PLPPR5: variants seen among roughly 807,000 people sequenced by gnomAD.
PLPPR5 encodes phospholipid phosphatase-related protein type 5.
In PLPPR5, 16 loss-of-function variants were observed where a neutral mutation model predicts 33.9. The ratio of observed to expected loss-of-function variants is 0.47; its 90% CI spans 0.32 to 0.72. PLPPR5 has a LOEUF of 0.72. PLPPR5 is among the 30% of genes least tolerant of loss of function. The probability of loss-of-function intolerance (pLI) is 0.03; values close to 1 mark genes in which losing one functional copy is unlikely to be tolerated. For synonymous variants in PLPPR5, 163 were observed against 150.3 expected (o/e 1.08, Z -0.62); for missense variants, 301 against 406.7 (o/e 0.74, Z 2.23).
At chr1:98,904,246 C>G (rs572984959) in intron 5 of PLPPR5, among the ~76,000 whole-genome samples, 152 of 147,298 alleles carry the variant, frequency 1.0e-3, no homozygotes, top group Non-Finnish European at 1.7e-3. Flanking sequence ...TAAACTATTC[C>G]TATCATTACT....
intron 1 of PLPPR5, among the ~76,000 whole-genome samples, chr1:98,980,527 C>T (rs1473500232): frequency 6.6e-6 from 1 of 152,196 alleles, no homozygotes; most frequent in East Asian, 1.9e-4. Flanking sequence ...AAACCAAGCA[C>T]ATTTAATCCT....
intron 1 of PLPPR5, among the ~76,000 whole-genome samples, chr1:99,000,317 T>C (rs1652785732): frequency 6.6e-6 from 1 of 152,206 alleles, no homozygotes; most frequent in South Asian, 2.1e-4. Context: ...TTATGTACTT[T>C]GATAACATTA....
chr1:99,004,720 G>C lies in PLPPR5; in HGVS notation c.-49C>G. The stretch of plus-strand genomic sequence containing the variant: ...GCCGAGCCGAGCGGGCGGTCGACGC[G>C]GTGGGCCCCCTCCCCGGTCCGCCGA... On this transcript the variant is annotated 5_prime_UTR_variant, in exon 1 of 6. Transcript: ENST00000263177. 1 of 1,292,034 alleles carries C rather than the reference G, an allele frequency of 7.7e-7. No homozygotes were observed. The highest frequency in any genetic ancestry group is 1.0e-6 in the Non-Finnish European group (1 of 991,316). 80.0% of individuals were successfully genotyped at this position (1,292,034 alleles called of 1,614,324 possible).
intron 3 of PLPPR5, among the ~76,000 whole-genome samples, chr1:98,941,127 AAGGGATAAC>A: frequency 6.6e-6 from 1 of 151,972 alleles, no homozygotes; most frequent in East Asian, 1.9e-4. Context: ...TCACTGTTGG[AAGGGATAAC>A]AGAGGGAAGA....
intron 1 of PLPPR5, among the ~76,000 whole-genome samples, chr1:98,979,781 T>C (rs556082070): frequency 1.3e-5 from 2 of 152,168 alleles, no homozygotes; most frequent in African/African-American, 4.8e-5. Context: ...TTTCCCTCTC[T>C]TGACTTTGAA....
intron 5 of PLPPR5, among the ~76,000 whole-genome samples, chr1:98,906,032 G>A (rs1648882846): frequency 6.6e-6 from 1 of 151,882 alleles, no homozygotes; most frequent in Non-Finnish European, 1.5e-5. Context: ...CCTTGGGTAG[G>A]TAAACAACTC....
intron 4 of PLPPR5, among the ~76,000 whole-genome samples, chr1:98,920,210 G>A (rs956458690): frequency 6.6e-6 from 1 of 152,044 alleles, no homozygotes; most frequent in Non-Finnish European, 1.5e-5. Context: ...GTAAGGTAAG[G>A]TGTTCACTGG....
At chr1:98,934,137 A>C (rs949010802) in intron 3 of PLPPR5, among the ~76,000 whole-genome samples, 10 of 152,198 alleles carry the variant, frequency 6.6e-5, no homozygotes, top group African/African-American at 2.4e-4. Context: ...ATAAATGTCC[A>C]TGGGAATGTG....
intron 1 of PLPPR5, among the ~76,000 whole-genome samples, chr1:98,995,643 T>C (rs758452394): frequency 6.6e-6 from 1 of 151,946 alleles, no homozygotes; most frequent in African/African-American, 2.4e-5. Context: ...GCTTGGAGCA[T>C]GTCAACTTGG....
chr1:99,000,378 A>G (rs1285095547), intron 1 of PLPPR5, among the ~76,000 whole-genome samples: 2 of 152,154 alleles, frequency 1.3e-5, no homozygotes, highest in East Asian at 3.8e-4. Flanking sequence ...CCACCCATCA[A>G]ACTTTATCTC....
At chr1:98,928,116 G>A (rs1224932859) in intron 3 of PLPPR5, among the ~76,000 whole-genome samples, 1 of 151,998 alleles carries the variant, frequency 6.6e-6, no homozygotes, top group African/African-American at 2.4e-5. Flanking sequence ...AACCAATGTG[G>A]TAGCCAGTAG....
chr1:98,993,308 A>G (rs1209607703), intron 1 of PLPPR5, among the ~76,000 whole-genome samples: 1 of 152,072 alleles, frequency 6.6e-6, no homozygotes, highest in East Asian at 1.9e-4. Flanking sequence ...TTTTCCAAAA[A>G]TGGGATGACA....
rs553457431 is a variant in PLPPR5 at position 98,898,369 on chromosome 1, T to C, written c.934-5265A>G. Among the ~76,000 whole-genome samples, 25 of 152,290 alleles carry C rather than the reference T, an allele frequency of 1.6e-4. 1 individual carries two copies. In the South Asian group the frequency reaches 4.8e-3, roughly 29 times the overall value. ...TAGCCTACATTGCATCAGGAAAAGA[T>C]AGGTGGATGTCATAATCTCGAATAT... On this transcript the variant is annotated intron_variant, in intron 5 of 5. Coordinates refer to ENST00000263177, the MANE Select transcript of PLPPR5 (RefSeq NM_001037317.2).
intron 2 of PLPPR5, among the ~76,000 whole-genome samples, chr1:98,955,918 TA>T (rs1384827657): frequency 6.6e-6 from 1 of 152,130 alleles, no homozygotes; most frequent in East Asian, 1.9e-4. Flanking sequence ...GGGTCTAGGC[TA>T]AGTCCTGAAT....
At chr1:98,982,191 A>T (rs1207005906) in intron 1 of PLPPR5, among the ~76,000 whole-genome samples, 1 of 152,074 alleles carries the variant, frequency 6.6e-6, no homozygotes, top group African/African-American at 2.4e-5. Context: ...CATCCAAAAA[A>T]GTGTTCTAAT....
At chr1:98,909,874 A>G (rs1570688687) in intron 5 of PLPPR5, among the ~76,000 whole-genome samples, 4 of 152,306 alleles carry the variant, frequency 2.6e-5, no homozygotes, top group African/African-American at 9.6e-5. Context: ...CAGTTTCCAC[A>G]GATGATTAAT....
chr1:98,914,154 C>T (rs1649254063), intron 5 of PLPPR5, among the ~76,000 whole-genome samples: 1 of 152,146 alleles, frequency 6.6e-6, no homozygotes, highest in Non-Finnish European at 1.5e-5. Context: ...ATGCATATAT[C>T]CTCAAGTAAA....
At chr1:98,938,461 T>C (rs1427518156) in intron 3 of PLPPR5, among the ~76,000 whole-genome samples, 1 of 148,402 alleles carries the variant, frequency 6.7e-6, no homozygotes, top group Non-Finnish European at 1.5e-5. Flanking sequence ...ACTGGGTAAG[T>C]GCAAATTTTA....
At chr1:99,004,313 A>G (rs1652982113) in intron 1 of PLPPR5, 122 bp downstream of exon 1, 4 of 841,154 alleles carry the variant, frequency 4.8e-6, no homozygotes, top group African/African-American at 1.7e-5. Context: ...GGGGCTGCCC[A>G]TAACTTGGAG....
Sources: gnomAD v4.1 joint callset for allele counts (sites outside exome capture counted in the v4.1 genomes callset) on GRCh38, gnomAD v4.1.1 for gene constraint, MANE v1.5 for transcripts, NCBI Gene and HGNC (gene_info 2026-07-23, HGNC 2026-07-21) for gene names.